Variants in PTPRM observed in about 807,000 individuals in gnomAD.
PTPRM encodes the protein protein tyrosine phosphatase receptor type M, also known as receptor-type tyrosine-protein phosphatase mu.
In PTPRM, 47 loss-of-function variants were observed where a neutral mutation model predicts 186.7. That is an observed-to-expected ratio of 0.25 (90% confidence interval 0.20 to 0.32). PTPRM has a LOEUF of 0.32. Among genes scored for constraint, PTPRM ranks in the 10% least tolerant of loss-of-function variants. PTPRM has a pLI of 1.00. For missense variants in PTPRM, 1,494 were observed against 1,865.0 expected (o/e 0.80, Z 3.66); for synonymous variants, 668 against 674.9 (o/e 0.99, Z 0.16).
chr18:7,637,469 C>T (rs1183797075), intron 1 of PTPRM, among the ~76,000 whole-genome samples: 1 of 152,172 alleles, frequency 6.6e-6, no homozygotes. Context: ...GTACACACTG[C>T]CTCTTACCCA....
rs147410336 is a variant in PTPRM at position 8,220,943 on chromosome 18, T to C, written c.2301-23115T>C. On this transcript the variant is annotated intron_variant, in intron 14 of 32. Coordinates refer to ENST00000580170, the MANE Select transcript of PTPRM (RefSeq NM_001105244.2). The stretch of plus-strand genomic sequence containing the variant: ...GAGGGCAGTTTCTTCATCAACAGAC[T>C]GTACAAAACCCTTATGAGGTAAGAT... Among the ~76,000 whole-genome samples the C allele has an allele frequency of 2.2e-3, 339 of 152,262 alleles. 1 individual carries two copies. Among genetic ancestry groups the C allele is most frequent in the African/African-American group, 7.8e-3 (326 of 41,560 alleles).
chr18:7,795,150 G>A (rs528343220), intron 2 of PTPRM, among the ~76,000 whole-genome samples: 2 of 152,266 alleles, frequency 1.3e-5, no homozygotes, highest in South Asian at 4.2e-4. Flanking sequence ...ATTGTGGATC[G>A]TCGTTGTTCT....
At chr18:8,325,212 C>T (rs618787) in intron 22 of PTPRM, among the ~76,000 whole-genome samples, 142,849 of 152,236 alleles carry the variant, frequency 0.94, 67,413 homozygotes, top group Non-Finnish European at 0.99. Context: ...GTTTGTTATA[C>T]AGGTAAACTG....
chr18:8,342,251 C>T (rs1163017159), intron 22 of PTPRM, among the ~76,000 whole-genome samples: 3 of 152,232 alleles, frequency 2.0e-5, no homozygotes, highest in African/African-American at 7.2e-5. Context: ...TATTAATAAA[C>T]ATCGTTAAAT....
chr18:8,299,237 G>A (rs1467053336), intron 20 of PTPRM, among the ~76,000 whole-genome samples: 2 of 152,180 alleles, frequency 1.3e-5, no homozygotes, highest in African/African-American at 4.8e-5. Context: ...GCTGGACAGA[G>A]AGTATGTACT....
intron 31 of PTPRM, among the ~76,000 whole-genome samples, chr18:8,392,983 C>A (rs2095824554): frequency 1.3e-5 from 2 of 152,206 alleles, no homozygotes; most frequent in South Asian, 4.1e-4. Flanking sequence ...AACAGGAAAT[C>A]ACCATTAGGC....
chr18:8,168,284 C>T (rs2093351428), intron 14 of PTPRM, among the ~76,000 whole-genome samples: 1 of 152,096 alleles, frequency 6.6e-6, no homozygotes, highest in Admixed American at 6.6e-5. Flanking sequence ...TATACCAAAC[C>T]ATTTGGTTTT....
chr18:8,169,025 G>C (rs1430532288), intron 14 of PTPRM, among the ~76,000 whole-genome samples: 1 of 152,130 alleles, frequency 6.6e-6, no homozygotes, highest in East Asian at 1.9e-4. Flanking sequence ...CTTCCTGTTT[G>C]ACTTTGGAAT....
chr18:7,992,675 T>C (rs919981698), intron 7 of PTPRM, among the ~76,000 whole-genome samples: 1 of 152,114 alleles, frequency 6.6e-6, no homozygotes, highest in Admixed American at 6.6e-5. Flanking sequence ...TCTGGGAAAC[T>C]ATGACTTTAA....
At chr18:7,864,788 AG>A (rs1370366420) in intron 2 of PTPRM, among the ~76,000 whole-genome samples, 1 of 152,204 alleles carries the variant, frequency 6.6e-6, no homozygotes, top group Non-Finnish European at 1.5e-5. Context: ...TCCTTTGGGC[AG>A]TATGGCCATT....
intron 1 of PTPRM, among the ~76,000 whole-genome samples, chr18:7,739,753 C>T (rs1250519473): frequency 6.6e-6 from 1 of 152,218 alleles, no homozygotes; most frequent in South Asian, 2.1e-4. Context: ...GCTTCTGCGG[C>T]TCTTGCTGCT....
chr18:7,721,409 A>T (rs1354432842), intron 1 of PTPRM, among the ~76,000 whole-genome samples: 4 of 151,988 alleles, frequency 2.6e-5, no homozygotes, highest in African/African-American at 9.7e-5. Flanking sequence ...ATTTTCTCTC[A>T]TTCTATGGGT....
intron 23 of PTPRM, among the ~76,000 whole-genome samples, chr18:8,344,060 C>T (rs1390884162): frequency 6.6e-6 from 1 of 152,130 alleles, no homozygotes; most frequent in African/African-American, 2.4e-5. Context: ...TTTATTTAAC[C>T]AGGAAACTTT....
At chr18:7,957,902 C>A (rs1193819276) in intron 7 of PTPRM, among the ~76,000 whole-genome samples, 1 of 152,080 alleles carries the variant, frequency 6.6e-6, no homozygotes. Context: ...ACCTAAAGAG[C>A]AAATCATGGA....
rs190059682 is a variant in PTPRM, at chr18:8,316,832, A to G, written c.2919+1975A>G. ...AGTGGCTCAGTCCCACTGAGAAGGT[A>G]GCAAGTGAGCAAGGAAGACAAGGGG... On this transcript the variant is annotated intron_variant, in intron 21 of 32. Coordinates refer to ENST00000580170, the MANE Select transcript of PTPRM (RefSeq NM_001105244.2). 2.4e-4 allele frequency among the ~76,000 whole-genome samples: 37 copies of G among 152,290 alleles called. No individual in the cohort carries two copies. The East Asian group carries it at 6.2e-3, about 25-fold the overall frequency.
chr18:7,716,184 C>A (rs1196243280), intron 1 of PTPRM, among the ~76,000 whole-genome samples: 1 of 152,118 alleles, frequency 6.6e-6, no homozygotes, highest in Non-Finnish European at 1.5e-5. Flanking sequence ...TGGAACAGAA[C>A]AGAGGCCTCA....
chr18:7,682,073 C>G (rs754140340), intron 1 of PTPRM, among the ~76,000 whole-genome samples: 34 of 152,242 alleles, frequency 2.2e-4, no homozygotes, highest in Non-Finnish European at 3.4e-4. Flanking sequence ...TTTCATTTTC[C>G]AGAAGAAGCA....
At chr18:7,681,234 C>A (rs373629701) in intron 1 of PTPRM, among the ~76,000 whole-genome samples, 1 of 151,824 alleles carries the variant, frequency 6.6e-6, no homozygotes, top group Non-Finnish European at 1.5e-5. Context: ...ACTTAATGAG[C>A]CCATTTTATC....
intron 14 of PTPRM, among the ~76,000 whole-genome samples, chr18:8,198,692 G>A (rs1413424542): frequency 2.0e-5 from 3 of 152,136 alleles, no homozygotes; most frequent in Admixed American, 6.5e-5. Context: ...ACGAACCGAC[G>A]GCTTTCCACC....
Sources: gnomAD v4.1 joint callset for allele counts (sites outside exome capture counted in the v4.1 genomes callset) on GRCh38, gnomAD v4.1.1 for gene constraint, MANE v1.5 for transcripts, NCBI Gene and HGNC (gene_info 2026-07-23, HGNC 2026-07-21) for gene names.